AKAP13: variants seen among roughly 807,000 people sequenced by gnomAD.
The protein encoded by AKAP13 is A-kinase anchoring protein 13.
A neutral mutation model predicts 264.5 loss-of-function variants in AKAP13; 80 were observed. The ratio of observed to expected loss-of-function variants is 0.30; its 90% CI spans 0.25 to 0.36. The LOEUF is 0.36. Among genes scored for constraint, AKAP13 ranks in the 10% least tolerant of loss-of-function variants. The probability of loss-of-function intolerance (pLI) is 1.00; values close to 1 mark genes in which losing one functional copy is unlikely to be tolerated. For missense variants in AKAP13, 3,712 were observed against 3,435.2 expected (o/e 1.08, Z -2.01); for synonymous variants, 1,380 against 1,250.2 (o/e 1.10, Z -2.19).
intron 30 of AKAP13, among the ~76,000 whole-genome samples, chr15:85,731,051 CTGGAGTGCAG>C (rs2087977268): frequency 8.1e-6 from 1 of 123,830 alleles, no homozygotes; most frequent in African/African-American, 3.2e-5. Flanking sequence ...GTTTCCCAGG[CTGGAGTGCAG>C]TGGTGCAACC....
chr15:85,721,939 T>C, intron 23 of AKAP13, 52 bp from the exon 24 acceptor site: 11 of 1,606,382 alleles, frequency 6.8e-6, no homozygotes, highest in South Asian at 2.2e-5. Context: ...TACAAAATGG[T>C]ATTATGAGTT....
chr15:85,386,282 A>G (rs2070557191), intron 1 of AKAP13, among the ~76,000 whole-genome samples: 1 of 151,082 alleles, frequency 6.6e-6, no homozygotes, highest in Admixed American at 6.6e-5. Flanking sequence ...ACTTTCCCCT[A>G]TATTTCCTCC....
chr15:85,498,604 C>CT (rs1418746105), intron 2 of AKAP13, among the ~76,000 whole-genome samples: 2 of 152,242 alleles, frequency 1.3e-5, no homozygotes, highest in East Asian at 3.8e-4. Flanking sequence ...AAGCTTGATG[C>CT]TTACATCACA....
At chr15:85,540,950 A>G (rs1186840336) in intron 4 of AKAP13, among the ~76,000 whole-genome samples, 1 of 152,260 alleles carries the variant, frequency 6.6e-6, no homozygotes, top group African/African-American at 2.4e-5. Flanking sequence ...TGTATATTCT[A>G]TAATTTCATC....
chr15:85,631,638 G>A (rs553236531), intron 8 of AKAP13, among the ~76,000 whole-genome samples: 89 of 151,984 alleles, frequency 5.9e-4, no homozygotes, highest in Admixed American at 9.8e-4. Context: ...AATAAAGTCC[G>A]GAGTTTACTT....
rs1437176040 is a variant in AKAP13, at chr15:85,516,651, CT to C, written c.34-4773del. Reference sequence around the variant, plus strand: ...TGGTCCTCCCTGTGGAAATTCTCCCCTTTTCCCCTCTCCTTCCCTTCTGCTG... The same window carrying C: ...TGGTCCTCCCTGTGGAAATTCTCCCCTTTCCCCTCTCCTTCCCTTCTGCTG... On this transcript the variant is annotated intron_variant, in intron 2 of 36. Transcript: ENST00000394518. Among the ~76,000 whole-genome samples the C allele has an allele frequency of 3.3e-5, 5 of 152,280 alleles. No homozygotes were observed. In the South Asian group the frequency reaches 1.0e-3, roughly 32 times the overall value.
chr15:85,569,007 G>C (rs1163878365), intron 5 of AKAP13, among the ~76,000 whole-genome samples: 1 of 152,158 alleles, frequency 6.6e-6, no homozygotes, highest in Non-Finnish European at 1.5e-5. Context: ...GCTGAATGGG[G>C]GAAGCATTGC....
chr15:85,417,802 CA>C (rs1737087169), intron 1 of AKAP13, among the ~76,000 whole-genome samples: 1 of 152,086 alleles, frequency 6.6e-6, no homozygotes, highest in Non-Finnish European at 1.5e-5. Context: ...AGCAGCTGAT[CA>C]GGCAGCACAA....
At chr15:85,506,747 G>T (rs1355969507) in intron 2 of AKAP13, among the ~76,000 whole-genome samples, 1 of 152,140 alleles carries the variant, frequency 6.6e-6, no homozygotes, top group African/African-American at 2.4e-5. Context: ...TGATCGTCTT[G>T]CCTGACCTTC....
At chr15:85,563,219 G>A (rs1596539544) in intron 5 of AKAP13, among the ~76,000 whole-genome samples, 1 of 152,092 alleles carries the variant, frequency 6.6e-6, no homozygotes, top group East Asian at 1.9e-4. Flanking sequence ...TTCCTCGTAG[G>A]AAAAGGTAGG....
chr15:85,510,491 A>G (rs2076381736), intron 2 of AKAP13, among the ~76,000 whole-genome samples: 1 of 152,250 alleles, frequency 6.6e-6, no homozygotes, highest in African/African-American at 2.4e-5. Context: ...AAATATTTTC[A>G]GATATTTTAA....
chr15:85,401,276 G>GT (rs1164603487), intron 1 of AKAP13, among the ~76,000 whole-genome samples: 1 of 145,308 alleles, frequency 6.9e-6, no homozygotes, highest in African/African-American at 2.6e-5. Context: ...AAACCACCCA[G>GT]TTTTTTATGT....
At chr15:85,636,615 A>ATTT (rs34550876) in intron 8 of AKAP13, among the ~76,000 whole-genome samples, 62 of 148,482 alleles carry the variant, frequency 4.2e-4, no homozygotes, top group Non-Finnish European at 5.4e-4. Flanking sequence ...AATTTTGCTG[A>ATTT]TTTTTTTTTT....
At chr15:85,586,078 T>G (rs934274918) in intron 8 of AKAP13, among the ~76,000 whole-genome samples, 19 of 152,218 alleles carry the variant, frequency 1.2e-4, no homozygotes, top group African/African-American at 4.3e-4. Flanking sequence ...CATTTTCCCC[T>G]TGAGCACAAG....
intron 8 of AKAP13, chr15:85,620,238 A>G (rs530434156): frequency 1.4e-6 from 2 of 1,457,644 alleles, no homozygotes; most frequent in Non-Finnish European, 1.9e-6. Context: ...TGAACCCGGT[A>G]GCCATGTCCC....
chr15:85,623,493 T>G (rs2081283637), intron 8 of AKAP13, among the ~76,000 whole-genome samples: 2 of 152,212 alleles, frequency 1.3e-5, no homozygotes, highest in Admixed American at 1.3e-4. Flanking sequence ...CACGCTTTAT[T>G]TGGCTGCTTC....
chr15:85,567,943 T>TAG (rs1293391523), intron 5 of AKAP13, among the ~76,000 whole-genome samples: 1 of 83,530 alleles, frequency 1.2e-5, no homozygotes, highest in Non-Finnish European at 2.7e-5. Context: ...CCCAAAGAGG[T>TAG]GTGTGTGTGT....
intron 8 of AKAP13, among the ~76,000 whole-genome samples, chr15:85,596,654 A>G (rs2079837926): frequency 1.3e-5 from 2 of 152,188 alleles, no homozygotes; most frequent in African/African-American, 2.4e-5. Context: ...AACGAGTCAG[A>G]CTTTTCACAT....
intron 10 of AKAP13, among the ~76,000 whole-genome samples, chr15:85,649,342 A>G (rs1270486839): frequency 6.6e-6 from 1 of 152,218 alleles, no homozygotes; most frequent in Admixed American, 6.5e-5. Flanking sequence ...ACCTGCTCTA[A>G]TAGCCAGTGA....
Sources: allele counts gnomAD v4.1 joint callset (sites outside exome capture counted in the v4.1 genomes callset), GRCh38; gene constraint gnomAD v4.1.1; transcripts MANE v1.5; gene names NCBI Gene and HGNC (gene_info 2026-07-23, HGNC 2026-07-21).